Variants in DIP2C observed in about 807,000 individuals in gnomAD.
DIP2C encodes the protein disco-interacting protein 2 homolog C.
In DIP2C, 33 loss-of-function variants were observed where a neutral mutation model predicts 192.4. The ratio of observed to expected loss-of-function variants is 0.17; its 90% CI spans 0.13 to 0.23. The LOEUF (loss-of-function observed/expected upper bound fraction) is 0.23, where lower values mean the gene tolerates loss of function less well. Ranked by LOEUF, DIP2C falls within the 10% of genes least tolerant of loss-of-function variation. DIP2C has a pLI of 1.00. For synonymous variants in DIP2C, 979 were observed against 864.1 expected (o/e 1.13, Z -2.33); for missense variants, 1,537 against 2,110.1 (o/e 0.73, Z 5.32).
chr10:492,115 G>A (rs1252944765), intron 1 of DIP2C, among the ~76,000 whole-genome samples: 1 of 152,160 alleles, frequency 6.6e-6, no homozygotes, highest in Non-Finnish European at 1.5e-5. Flanking sequence ...CACCATCTAG[G>A]GACCCCAGAC....
intron 1 of DIP2C, among the ~76,000 whole-genome samples, chr10:670,353 C>T (rs1199240931): frequency 6.6e-6 from 1 of 152,034 alleles, no homozygotes; most frequent in African/African-American, 2.4e-5. Context: ...CATGCACATA[C>T]ATACACATAC....
intron 1 of DIP2C, among the ~76,000 whole-genome samples, chr10:562,923 A>G (rs1849293807): frequency 6.6e-6 from 1 of 152,246 alleles, no homozygotes; most frequent in South Asian, 2.1e-4. Context: ...AAAAGGAATG[A>G]ATATAGCTAA....
At chr10:578,131 ATTC>A (rs757256311) in intron 1 of DIP2C, among the ~76,000 whole-genome samples, 16 of 152,204 alleles carry the variant, frequency 1.1e-4, no homozygotes, top group South Asian at 6.2e-4. Context: ...AAAGCTCTCT[ATTC>A]TTCTTTTATC....
At chr10:683,925 A>G (rs1176122539) in intron 1 of DIP2C, among the ~76,000 whole-genome samples, 1 of 152,260 alleles carries the variant, frequency 6.6e-6, no homozygotes, top group Non-Finnish European at 1.5e-5. Flanking sequence ...CCTCGGAACC[A>G]TAACAAGAAT....
chr10:458,487 G>T (rs78558483), intron 3 of DIP2C, among the ~76,000 whole-genome samples: 2 of 129,816 alleles, frequency 1.5e-5, no homozygotes, highest in Non-Finnish European at 3.3e-5. Context: ...CCGGCAGCGC[G>T]TGACAGAGTG....
chr10:382,234 T>C lies in DIP2C; in HGVS notation c.1991+413A>G, dbSNP rs76775990. Among the ~76,000 whole-genome samples the C allele has an allele frequency of 6.1e-3, 926 of 152,100 alleles. 4 individuals are homozygous for C. The highest frequency in any genetic ancestry group is 0.014 in the Middle Eastern group (4 of 294). ...CAGAGACAGACAATGAAAAAATAAATATACCAGTAAATCCCACAGCACATG... is the reference window on the plus strand; with the variant it reads ...CAGAGACAGACAATGAAAAAATAAACATACCAGTAAATCCCACAGCACATG... On this transcript the variant is annotated intron_variant, in intron 17 of 36. Transcript: ENST00000280886.
At chr10:382,604 G>T in intron 17 of DIP2C, 43 bp downstream of exon 17, 1 of 1,484,734 alleles carries the variant, frequency 6.7e-7, no homozygotes, top group Middle Eastern at 1.7e-4. Flanking sequence ...GCTGAATTAG[G>T]ACTGTCTCTA....
Position 532,688 on chromosome 10 carries a change from A to T in DIP2C, c.86-46158T>A, listed in dbSNP as rs117456235. On this transcript the variant is annotated intron_variant, in intron 1 of 36. Coordinates refer to ENST00000280886, the MANE Select transcript of DIP2C (RefSeq NM_014974.3). ...GGGTGTGAGAGAGAGTATGGGTGTG[A>T]GAGAGTATGGGTGTGAGAGAGAGTA... Among the ~76,000 whole-genome samples the T allele has an allele frequency of 4.6e-3, 332 of 71,872 alleles. 18 individuals carry two copies. The highest frequency in any genetic ancestry group is 7.3e-3 in the Non-Finnish European group (231 of 31,650). 47.2% of individuals were successfully genotyped at this position (71,872 alleles called of 152,430 possible).
chr10:345,178 G>A (rs1255902261), intron 26 of DIP2C, 68 bp from the exon 27 acceptor site: 3 of 1,416,732 alleles, frequency 2.1e-6, no homozygotes, highest in Admixed American at 3.8e-5. Context: ...ACTTCACACG[G>A]GTCTCCTGCT....
intron 2 of DIP2C, among the ~76,000 whole-genome samples, chr10:481,757 C>T (rs993785183): frequency 2.0e-5 from 3 of 152,190 alleles, no homozygotes; most frequent in Admixed American, 6.5e-5. Flanking sequence ...CGTCTGCCCT[C>T]AGGGACACTG....
chr10:574,119 A>AT (rs1849997730), intron 1 of DIP2C, among the ~76,000 whole-genome samples: 1 of 152,238 alleles, frequency 6.6e-6, no homozygotes, highest in African/African-American at 2.4e-5. Context: ...GTTCTGATGC[A>AT]TTTTACTGAC....
chr10:504,066 A>G (rs773048483), intron 1 of DIP2C, among the ~76,000 whole-genome samples: 10 of 152,206 alleles, frequency 6.6e-5, no homozygotes, highest in Admixed American at 1.3e-4. Context: ...GATTTCATGG[A>G]AATACTCTCT....
intron 30 of DIP2C, 32 bp downstream of exon 30, chr10:329,401 C>T (rs1249237396): frequency 1.3e-6 from 2 of 1,591,946 alleles, no homozygotes; most frequent in South Asian, 1.1e-5. Context: ...TGTGGGCTCA[C>T]AGGGCACTGA....
At chr10:343,430 G>A (rs1958259039) in intron 28 of DIP2C, among the ~76,000 whole-genome samples, 1 of 152,194 alleles carries the variant, frequency 6.6e-6, no homozygotes, top group South Asian at 2.1e-4. Flanking sequence ...TCCAGCAAGA[G>A]GTGAGAGAAC....
chr10:378,842 C>T (rs952294967), intron 17 of DIP2C, among the ~76,000 whole-genome samples: 2 of 152,222 alleles, frequency 1.3e-5, no homozygotes, highest in South Asian at 4.2e-4. Flanking sequence ...TGTGAACAGA[C>T]ATGCATAGAC....
intron 10 of DIP2C, among the ~76,000 whole-genome samples, chr10:392,083 A>G (rs556108868): frequency 1.3e-5 from 2 of 152,316 alleles, no homozygotes; most frequent in South Asian, 4.1e-4. Flanking sequence ...CTTCGGGGAC[A>G]TCTTGTGGTG....
intron 1 of DIP2C, among the ~76,000 whole-genome samples, chr10:528,964 G>C (rs1218936557): frequency 3.3e-5 from 5 of 152,230 alleles, no homozygotes; most frequent in African/African-American, 1.2e-4. Flanking sequence ...AGCAGCTTCT[G>C]AGATGGGCAA....
At chr10:300,439 A>G (rs891174902) in intron 32 of DIP2C, among the ~76,000 whole-genome samples, 2 of 152,254 alleles carry the variant, frequency 1.3e-5, no homozygotes, top group Non-Finnish European at 2.9e-5. Context: ...ACCTACCTAG[A>G]GTAGTCAAAT....
chr10:524,086 T>A lies in DIP2C; in HGVS notation c.86-37556A>T, dbSNP rs1846903972. Reference sequence around the variant, plus strand: ...CGCCCTCAGTTCTCACGCCCAGCCGTGACTGGAGCACCCCTTCAGGAAGGA... The same window carrying A: ...CGCCCTCAGTTCTCACGCCCAGCCGAGACTGGAGCACCCCTTCAGGAAGGA... On this transcript the variant is annotated intron_variant, in intron 1 of 36. Coordinates refer to ENST00000280886, the MANE Select transcript of DIP2C (RefSeq NM_014974.3). Among the ~76,000 whole-genome samples, 10 of 102,518 alleles carry A rather than the reference T, an allele frequency of 9.8e-5. No individual in the cohort carries two copies. The Admixed American group carries it at 1.1e-3, about 11-fold the overall frequency. The allele number at this position is 102,518 out of a possible 152,430, so 67.3% of individuals were successfully genotyped here.
Sources: allele counts gnomAD v4.1 joint callset (sites outside exome capture counted in the v4.1 genomes callset), GRCh38; gene constraint gnomAD v4.1.1; transcripts MANE v1.5; gene names NCBI Gene and HGNC (gene_info 2026-07-23, HGNC 2026-07-21).